Variants in ABCC10 observed in about 807,000 individuals in gnomAD.
ABCC10 encodes ATP-binding cassette sub-family C member 10.
A neutral mutation model predicts 143.2 loss-of-function variants in ABCC10; 110 were observed. That is an observed-to-expected ratio of 0.77 (90% CI 0.66 to 0.90). The LOEUF (loss-of-function observed/expected upper bound fraction) is 0.90, where lower values mean the gene tolerates loss of function less well. ABCC10 is among the 40% of genes least tolerant of loss of function. The probability of loss-of-function intolerance (pLI) is 0.00; values close to 1 mark genes in which losing one functional copy is unlikely to be tolerated. For synonymous variants in ABCC10, 805 were observed against 846.7 expected (o/e 0.95, Z 0.85); for missense variants, 1,700 against 1,900.5 (o/e 0.89, Z 1.96).
Position 43,428,129 on chromosome 6 carries a change from G to A in ABCC10, c.151G>A (p.Gly51Ser), listed in dbSNP as rs145970463. 44 of 1,537,500 alleles carry A rather than the reference G, an allele frequency of 2.9e-5. No individual in the cohort carries two copies. The highest frequency in any genetic ancestry group is 3.5e-4 in the Middle Eastern group (2 of 5,636). The change falls in exon 2 of 22, where the codon GGC becomes AGC. Residue 51 changes from glycine to serine, a missense_variant. Transcript: ENST00000372530. Reference protein sequence around the residue: ...LLAVLSACYLGTPRSPDYILP... With the variant: ...LLAVLSACYLSTPRSPDYILP... ...CGCCGTGCTCAGTGCCTGTTACTTG[G>A]GCACCCCGAGGTGGGTAGAGACGGG...
chr6:43,450,906 G>T, downstream of ABCC10: 2 of 1,614,228 alleles, frequency 1.2e-6, no homozygotes, highest in Non-Finnish European at 1.7e-6. The surrounding 1 kb of genome is among the most constrained non-coding windows in gnomAD (Gnocchi z 4.5). Flanking sequence ...CCCTAGAGGG[G>T]TGTCCACTGT....
At chr6:43,441,046 T>A (rs1209900451) in intron 8 of ABCC10, among the ~76,000 whole-genome samples, 2 of 151,746 alleles carry the variant, frequency 1.3e-5, no homozygotes, top group African/African-American at 4.8e-5. Context: ...GAGGTTGCAG[T>A]GAGCTGAGAT....
intron 16 of ABCC10, 107 bp downstream of exon 16, chr6:43,446,553 T>C: frequency 6.9e-7 from 1 of 1,454,700 alleles, no homozygotes; most frequent in Non-Finnish European, 9.1e-7. Flanking sequence ...CCACCCAGGG[T>C]TCCCTGTGAG....
intron 4 of ABCC10, 34 bp downstream of exon 4, chr6:43,434,882 G>A (rs1781515568): frequency 1.3e-6 from 2 of 1,599,974 alleles, no homozygotes; most frequent in Non-Finnish European, 1.7e-6. Flanking sequence ...CCAGCATCAA[G>A]GAGACTTCAG....
chr6:43,436,686 T>C (rs1581728320), intron 6 of ABCC10, among the ~76,000 whole-genome samples: 3 of 152,338 alleles, frequency 2.0e-5, no homozygotes, highest in East Asian at 3.9e-4. Flanking sequence ...TGCTACAGCA[T>C]ACAAAGAACT....
chr6:43,451,197 C>G, downstream of ABCC10: 1 of 1,614,190 alleles, frequency 6.2e-7, no homozygotes, highest in Non-Finnish European at 8.5e-7. This position sits in a 1 kb window ranked among gnomAD's most constrained non-coding sequence, Gnocchi z 4.4. Context: ...ACCCACAAAG[C>G]CCACCAAGCA....
At position 43,433,372 on chromosome 6, in the gene ABCC10, C is replaced by T. The variant is rs1413782995; in HGVS notation, c.1380+12C>T. 19 of 1,591,416 alleles carry T rather than the reference C, an allele frequency of 1.2e-5. No individual in the cohort carries two copies. The highest frequency in any genetic ancestry group is 1.7e-4 in the Middle Eastern group (1 of 5,972). ...ATGCGCGGGTTAAGGTGAGCGGGTA[C>T]TTGGGGTCCCTCAGCTATCTGGAGA... On this transcript the variant is annotated intron_variant, in intron 3 of 21. Transcript: ENST00000372530.
Position 43,442,996 on chromosome 6 carries a change from C to T in ABCC10, c.2253C>T (p.Asp751=). 6.2e-7 allele frequency: 1 copy of T among 1,605,268 alleles called. No homozygotes were observed. The highest frequency in any genetic ancestry group is 8.5e-7 in the Non-Finnish European group (1 of 1,176,090). Residue 751 remains aspartate, a synonymous_variant, in exon 10 of 22, where the codon GAC becomes GAT. Transcript: ENST00000372530. ...AAAAGGAGCTCTATCTCCTCGATGA[C>T]CCTCTGGCCGCTGTGGATGCAGATG... ...YQEKELYLLD[D]PLAAVDADVA...
In ABCC10 at chr6:43,432,866, A is replaced by T. The variant is rs751283694; in HGVS notation, c.886A>T (p.Thr296Ser). The change falls in exon 3 of 22, where the codon ACC becomes TCC. Residue 296 changes from threonine (T) to serine (S), a missense_variant. Thr to Ser is a moderately conservative substitution (Grantham distance 58, BLOSUM62 1). Coordinates refer to ENST00000372530, the MANE Select transcript of ABCC10 (RefSeq NM_001198934.2). ...ACTTGGACTGCTGAAGCTGGTGGGG[A>T]CCATGTTGGGATTCTCAGGGCCCCT... ...LALGLLKLVG[T>S]MLGFSGPLLL... is the part of the protein sequence containing the mutation. 29 of 1,613,864 alleles carry T rather than the reference A, an allele frequency of 1.8e-5. No individual in the cohort carries two copies. Among genetic ancestry groups the T allele is most frequent in the Admixed American group, 6.7e-5 (4 of 59,982 alleles).
Position 43,444,238 on chromosome 6 carries a change from G to C in ABCC10, c.2574G>C (p.Leu858=), listed in dbSNP as rs1323679820. The change falls in exon 12 of 22, where the codon CTG becomes CTC. Residue 858 remains leucine (L), a synonymous_variant. Transcript: ENST00000372530. The stretch of plus-strand genomic sequence containing the variant: ...AGCAGAGCACATCTGGTCGCCTGCT[G>C]CAGGAAGAAAGCAAGAAGGAGGGCG... ...EEEQSTSGRL[L]QEESKKEGAV... is the part of the protein sequence containing the mutation. 6.2e-7 allele frequency: 1 copy of C among 1,614,164 alleles called. No individual in the cohort carries two copies. The highest frequency in any genetic ancestry group is 2.2e-5 in the East Asian group (1 of 44,888).
In ABCC10 at chr6:43,447,877, G is replaced by T. The variant is rs769401872; in HGVS notation, c.3899G>T (p.Ser1300Ile). The T allele has an allele frequency of 8.7e-6, 14 of 1,613,954 alleles. No individual in the cohort carries two copies. In the South Asian group the frequency reaches 1.3e-4, roughly 15 times the overall value. Residue 1300 changes from serine (S) to isoleucine (I), a missense_variant, in exon 18 of 22, where the codon AGT becomes ATT. Coordinates refer to ENST00000372530, the MANE Select transcript of ABCC10 (RefSeq NM_001198934.2). Reference protein sequence around the residue: ...LLVLFRLLEPSSGRVLLDGVD... With the variant: ...LLVLFRLLEPISGRVLLDGVD... ...GTGCTCTTCCGGCTGCTAGAGCCCA[G>T]TTCAGGGCGAGTGCTGCTGGACGGC... is the stretch of plus-strand genomic sequence containing the variant.
At chr6:43,448,740 T>C (rs1783414559) in intron 18 of ABCC10, 141 bp from the exon 19 acceptor site, 1 of 1,014,542 alleles carries the variant, frequency 9.9e-7, no homozygotes, top group Admixed American at 2.8e-5. Flanking sequence ...TTGGTGGGGA[T>C]GGGGTGGGGA....
Position 43,432,988 on chromosome 6 carries a change from G to T in ABCC10, c.1008G>T (p.Leu336=). Residue 336 remains leucine, a synonymous_variant, in exon 3 of 22, where the codon CTG becomes CTT. Coordinates refer to ENST00000372530, the MANE Select transcript of ABCC10 (RefSeq NM_001198934.2). ...YALGLAGGAV[L]GAVLQNQYGY... ...TGGGGCTAGCCGGTGGGGCTGTGCT[G>T]GGTGCTGTGCTGCAGAATCAGTATG... 6.2e-7 allele frequency: 1 copy of T among 1,614,164 alleles called. No individual in the cohort carries two copies. The highest frequency in any genetic ancestry group is 8.5e-7 in the Non-Finnish European group (1 of 1,180,028).
At chr6:43,447,145 C>T in intron 16 of ABCC10, 103 bp from the exon 17 acceptor site, 4 of 1,429,300 alleles carry the variant, frequency 2.8e-6, no homozygotes, top group South Asian at 2.7e-5. Flanking sequence ...CGCGCCCAGC[C>T]TCTGTTGCTT....
chr6:43,439,394 T>A (rs10948079), intron 8 of ABCC10, among the ~76,000 whole-genome samples: 52,871 of 133,380 alleles, frequency 0.4, 9,477 homozygotes, highest in South Asian at 0.47. Context: ...ATTACTTTTT[T>A]AAAATTGATT....
At position 43,450,195 on chromosome 6, in the gene ABCC10, C is replaced by A; in HGVS notation, c.*104C>A. The A allele has an allele frequency of 1.5e-6, 2 of 1,348,424 alleles. No homozygotes were observed. Among genetic ancestry groups the A allele is most frequent in the South Asian group, 1.4e-5 (1 of 70,304 alleles). 83.5% of individuals were successfully genotyped at this position (1,348,424 alleles called of 1,614,324 possible). On this transcript the variant is annotated 3_prime_UTR_variant, in exon 22 of 22. Transcript: ENST00000372530. This position sits in a 1 kb window ranked among gnomAD's most constrained non-coding sequence, Gnocchi z 4.5. ...TACATTCTCCTCTGGGGCTCTACCT[C>A]TCCACACTTCCCCAGAAGGGAAAAG...
rs1386075700 is a variant in ABCC10 at position 43,435,817 on chromosome 6, A to C, written c.1675A>C (p.Asn559His). Residue 559 changes from asparagine to histidine, a missense_variant, in exon 5 of 22, where the codon AAT becomes CAT. Transcript: ENST00000372530. ...LPLNNFPWVI[N>H]GLLEAKVSLD... ...TCTCAACAACTTCCCTTGGGTGATC[A>C]ATGGTCTCCTGGAGGCCAAAGTGTC... 2 of 1,614,168 alleles carry C rather than the reference A, an allele frequency of 1.2e-6. No homozygotes were observed. The highest frequency in any genetic ancestry group is 4.5e-5 in the East Asian group (2 of 44,882).
At chr6:43,438,514 G>T in intron 7 of ABCC10, 110 bp from the exon 8 acceptor site, 3 of 1,483,120 alleles carry the variant, frequency 2.0e-6, no homozygotes, top group South Asian at 1.4e-5. Flanking sequence ...CATGAAGGGG[G>T]ACCCTGTGTA....
Position 43,445,740 on chromosome 6 carries a change from G to T in ABCC10, c.3172G>T (p.Ala1058Ser). 6.2e-7 allele frequency: 1 copy of T among 1,614,128 alleles called. No individual in the cohort carries two copies. Among genetic ancestry groups the T allele is most frequent in the Non-Finnish European group, 8.5e-7 (1 of 1,180,028 alleles). ...CGCGGCAGGCCTGCTGGGGCTCCTG[G>T]CCGTGCTGGGCTCTGGCCTGCCCTG... ...ANAAGLLGLL[A>S]VLGSGLPWLL... The change falls in exon 15 of 22, where the codon GCC becomes TCC. Residue 1058 changes from alanine (A) to serine (S), a missense_variant. Coordinates refer to ENST00000372530, the MANE Select transcript of ABCC10 (RefSeq NM_001198934.2).
Sources: allele counts gnomAD v4.1 joint callset (sites outside exome capture counted in the v4.1 genomes callset), GRCh38; gene constraint gnomAD v4.1.1; non-coding constraint Gnocchi (gnomAD v3.1); transcripts MANE v1.5; gene names NCBI Gene and HGNC (gene_info 2026-07-23, HGNC 2026-07-21).